DENND10: variants seen among roughly 807,000 people sequenced by gnomAD.
DENND10 encodes the protein DENN domain containing 10.
Under a neutral mutation model 43.6 loss-of-function variants are expected in DENND10, and 24 were observed. The observed-to-expected ratio is 0.55, with a 90% CI of 0.40 to 0.77. The LOEUF (loss-of-function observed/expected upper bound fraction) is 0.77. Among genes scored for constraint, DENND10 ranks in the 30% least tolerant of loss-of-function variants. The pLI, the probability that DENND10 is intolerant of heterozygous loss-of-function variation, is 0.00. For synonymous variants in DENND10, 125 were observed against 157.6 expected (o/e 0.79, Z 1.55); for missense variants, 303 against 429.9 (o/e 0.70, Z 2.61).
At chr10:119,107,912 A>G in intron 1 of DENND10, 56 bp from the exon 2 acceptor site, 1 of 1,503,032 alleles carries the variant, frequency 6.7e-7, no homozygotes, top group Non-Finnish European at 9.3e-7. Flanking sequence ...GTAACCAATC[A>G]ATTCACTTCC....
At chr10:119,131,909 T>C (rs1711638494) in intron 7 of DENND10, among the ~76,000 whole-genome samples, 1 of 152,238 alleles carries the variant, frequency 6.6e-6, no homozygotes, top group African/African-American at 2.4e-5. Context: ...TTGCTCTGTG[T>C]CTATAAAAAT....
rs577793504 is a variant in DENND10, at chr10:119,130,097, C to T, written c.802+475C>T. Reference sequence around the variant, plus strand: ...TTGGCTCACTGCAGCCTATGCCTCCCGGGTTCAGGTGATTGTCATGTCTCA... The same window carrying T: ...TTGGCTCACTGCAGCCTATGCCTCCTGGGTTCAGGTGATTGTCATGTCTCA... On this transcript the variant is annotated intron_variant, in intron 7 of 8. Coordinates refer to ENST00000361432, the MANE Select transcript of DENND10 (RefSeq NM_207009.4). 8.6e-5 allele frequency among the ~76,000 whole-genome samples: 13 copies of T among 152,006 alleles called. No homozygotes were observed. The South Asian group carries it at 2.1e-3, about 24-fold the overall frequency.
chr10:119,110,991 G>A (rs1364910790), intron 2 of DENND10, among the ~76,000 whole-genome samples: 1 of 152,112 alleles, frequency 6.6e-6, no homozygotes, highest in Non-Finnish European at 1.5e-5. Flanking sequence ...TCTGGGTGCG[G>A]TGGCTGATGC....
At chr10:119,111,094 C>T (rs1365399660) in intron 2 of DENND10, among the ~76,000 whole-genome samples, 2 of 151,540 alleles carry the variant, frequency 1.3e-5, no homozygotes, top group African/African-American at 4.8e-5. Context: ...AACACTGTCT[C>T]TACTGAAAAT....
intron 7 of DENND10, 31 bp downstream of exon 7, chr10:119,129,653 A>G (rs1420843030): frequency 6.8e-7 from 1 of 1,466,668 alleles, no homozygotes; most frequent in South Asian, 1.1e-5. Flanking sequence ...TTGATACAAG[A>G]TATAAGCCAA....
chr10:119,115,724 T>C (rs1425416907), intron 3 of DENND10, among the ~76,000 whole-genome samples: 1 of 151,328 alleles, frequency 6.6e-6, no homozygotes, highest in African/African-American at 2.4e-5. Context: ...AACACTTGCT[T>C]TTTTCATTTA....
chr10:119,119,349 C>G (rs977308463), intron 4 of DENND10, among the ~76,000 whole-genome samples: 1 of 151,566 alleles, frequency 6.6e-6, no homozygotes, highest in Admixed American at 6.6e-5. Flanking sequence ...ACCATTTTGG[C>G]CAGGCTGGTC....
chr10:119,126,521 G>GT (rs1845840608), intron 6 of DENND10, among the ~76,000 whole-genome samples: 1 of 152,146 alleles, frequency 6.6e-6, no homozygotes. Context: ...CCAGAGTGCA[G>GT]TGGCATGCTC....
intron 2 of DENND10, 34 bp downstream of exon 2, chr10:119,108,198 A>T: frequency 6.6e-7 from 1 of 1,515,836 alleles, no homozygotes. Context: ...AAAAACCCCA[A>T]AATAGGCTGG....
intron 5 of DENND10, among the ~76,000 whole-genome samples, chr10:119,121,656 T>C (rs1390576245): frequency 1.3e-5 from 2 of 151,918 alleles, no homozygotes; most frequent in African/African-American, 4.8e-5. Flanking sequence ...GGTTTCACCA[T>C]GTTGGCCAAG....
Position 119,137,756 on chromosome 10 carries a change from A to G in DENND10, c.*1109A>G, listed in dbSNP as rs1374007743. The G allele has an allele frequency of 6.0e-6, 1 of 166,524 alleles. No individual in the cohort carries two copies. The highest frequency in any genetic ancestry group is 1.5e-5 in the Non-Finnish European group (1 of 68,048). The allele number at this position is 166,524 out of a possible 1,614,324, so 10.3% of individuals were successfully genotyped here. ...TTTCTTGGTATTACATATTTGTTCAATAAAAATTAAACACCCTCCCTTTTT... is the reference window on the plus strand; with the variant it reads ...TTTCTTGGTATTACATATTTGTTCAGTAAAAATTAAACACCCTCCCTTTTT... On this transcript the variant is annotated 3_prime_UTR_variant, in exon 9 of 9. Coordinates refer to ENST00000361432, the MANE Select transcript of DENND10 (RefSeq NM_207009.4).
intron 6 of DENND10, 36 bp downstream of exon 6, chr10:119,123,605 CTT>C (rs372448900): frequency 0.054 from 54,845 of 1,010,414 alleles, 26 homozygotes; most frequent in Middle Eastern, 0.12. Flanking sequence ...AACTGTTTCA[CTT>C]TTTTTTTTTT....
At chr10:119,125,819 C>T (rs1183229537) in intron 6 of DENND10, among the ~76,000 whole-genome samples, 5 of 152,050 alleles carry the variant, frequency 3.3e-5, no homozygotes, top group Non-Finnish European at 7.4e-5. Flanking sequence ...GCCCAGCCAA[C>T]TTCTAGTTAT....
In DENND10 at chr10:119,110,571, C is replaced by A. The variant is rs567914494; in HGVS notation, c.253-1278C>A. On this transcript the variant is annotated intron_variant, in intron 2 of 8. Coordinates refer to ENST00000361432, the MANE Select transcript of DENND10 (RefSeq NM_207009.4). ...CTCCTGGGTTCAAGCAATTCCCTGC[C>A]TCAGCCTCCCGAGTAGCTGGGATTA... is the stretch of plus-strand genomic sequence containing the variant. Among the ~76,000 whole-genome samples, 3 of 152,230 alleles carry A rather than the reference C, an allele frequency of 2.0e-5. No individual in the cohort carries two copies. In the South Asian group the frequency reaches 6.2e-4, roughly 32 times the overall value.
intron 8 of DENND10, among the ~76,000 whole-genome samples, chr10:119,135,809 A>AAAAAAAAAAAAAAC (rs1564804519): frequency 6.7e-6 from 1 of 150,194 alleles, no homozygotes; most frequent in Non-Finnish European, 1.5e-5. Context: ...AAAAAAAAAA[A>AAAAAAAAAAAAAAC]AAAAAAACCA....
chr10:119,119,344 T>G (rs1418898489), intron 4 of DENND10, among the ~76,000 whole-genome samples: 8 of 148,092 alleles, frequency 5.4e-5, no homozygotes, highest in Non-Finnish European at 1.0e-4. Flanking sequence ...GTTTCACCAT[T>G]TTGGCCAGGC....
At chr10:119,108,203 G>A in intron 2 of DENND10, 39 bp downstream of exon 2, 1 of 1,464,934 alleles carries the variant, frequency 6.8e-7, no homozygotes, top group Non-Finnish European at 9.5e-7. Flanking sequence ...CCCCAAAATA[G>A]GCTGGGCGCG....
rs773194578 is a variant in DENND10 at position 119,129,531 on chromosome 10, T to G, written c.711T>G (p.Phe237Leu). ...GTGATGCAGGTTACGTCGCTGGATTTGTAGACTTGGAGGTGAGCAACAGAC... is the reference window on the plus strand; with the variant it reads ...GTGATGCAGGTTACGTCGCTGGATTGGTAGACTTGGAGGTGAGCAACAGAC... ...LQMCTGYVAG[F>L]VDLEVSNRPD... Residue 237 changes from phenylalanine to leucine, a missense_variant, in exon 7 of 9, where the codon TTT (phenylalanine) becomes TTG (leucine). Transcript: ENST00000361432. The G allele has an allele frequency of 3.7e-6, 6 of 1,613,254 alleles. No individual in the cohort carries two copies. The highest frequency in any genetic ancestry group is 5.1e-6 in the Non-Finnish European group (6 of 1,179,194).
At chr10:119,135,693 T>A (rs1008859779) in intron 8 of DENND10, among the ~76,000 whole-genome samples, 1 of 149,162 alleles carries the variant, frequency 6.7e-6, no homozygotes, top group African/African-American at 2.5e-5. Flanking sequence ...TTTCTGTTTG[T>A]GATGGTGAAA....
Sources: gnomAD v4.1 joint callset for allele counts (sites outside exome capture counted in the v4.1 genomes callset) on GRCh38, gnomAD v4.1.1 for gene constraint, MANE v1.5 for transcripts, NCBI Gene and HGNC (gene_info 2026-07-23, HGNC 2026-07-21) for gene names.